SLC30A2: variants seen among roughly 807,000 people sequenced by gnomAD.
SLC30A2 encodes the protein proton-coupled zinc antiporter SLC30A2.
Under a neutral mutation model 39.6 loss-of-function variants are expected in SLC30A2, and 19 were observed. The observed-to-expected ratio is 0.48, with a 90% CI of 0.34 to 0.70. SLC30A2 has a LOEUF of 0.70. Ranked by LOEUF, SLC30A2 falls within the 30% of genes least tolerant of loss-of-function variation. SLC30A2 has a pLI of 0.01. For missense variants in SLC30A2, 387 were observed against 479.4 expected (o/e 0.81, Z 1.80); for synonymous variants, 195 against 194.8 (o/e 1.00, Z -0.01).
intron 6 of SLC30A2, among the ~76,000 whole-genome samples, chr1:26,040,620 A>C (rs962132398): frequency 3.9e-5 from 6 of 152,164 alleles, no homozygotes; most frequent in African/African-American, 1.2e-4. Context: ...CCAGGGCACG[A>C]TCATCATCTT....
At position 26,045,914 on chromosome 1, in the gene SLC30A2, C is replaced by T; in HGVS notation, c.-18G>A. 6.2e-7 allele frequency: 1 copy of T among 1,608,578 alleles called. No homozygotes were observed. Among genetic ancestry groups the T allele is most frequent in the Non-Finnish European group, 8.5e-7 (1 of 1,179,230 alleles). On this transcript the variant is annotated 5_prime_UTR_variant, in exon 1 of 8. Coordinates refer to ENST00000374276, the MANE Select transcript of SLC30A2 (RefSeq NM_001004434.3). ...GCCTCCATGCAGTCCCGCGCCGAGT[C>T]CCGGCAGCCGCGCAGCCGCCCCGCC...
At position 26,039,380 on chromosome 1, in the gene SLC30A2, T is replaced by G; in HGVS notation, c.974-75A>C. ...GGAACCATCAGGAGCCCAAATCTCA[T>G]ACCCCATCCCCAGCAGAACAGGATG... On this transcript the variant is annotated intron_variant, in intron 7 of 7. Transcript: ENST00000374276. The surrounding 1 kb of genome is among the most constrained non-coding windows in gnomAD (Gnocchi z 4.3). The G allele has an allele frequency of 1.2e-5, 13 of 1,108,772 alleles. No individual in the cohort carries two copies. Among genetic ancestry groups the G allele is most frequent in the South Asian group, 1.4e-5 (1 of 73,278 alleles). 68.7% of individuals were successfully genotyped at this position (1,108,772 alleles called of 1,614,324 possible). A position where few individuals can be genotyped will look rare whatever the true frequency, so the allele number is the denominator to read the frequency against.
At position 26,043,504 on chromosome 1, in the gene SLC30A2, C is replaced by A. The variant is rs1393993050; in HGVS notation, c.466G>T (p.Gly156Trp). Residue 156 changes from glycine to tryptophan, a missense_variant, in exon 4 of 8, where the codon GGG (glycine) becomes TGG (tryptophan). Coordinates refer to ENST00000374276, the MANE Select transcript of SLC30A2 (RefSeq NM_001004434.3). ...VSVLSIWVVT[G>W]VLVYLAVERL... is the part of the protein sequence containing the mutation. ...TCCACAGCCAGGTACACCAGTACCC[C>A]CGTCACGACCCAGATGGACAGTACA... 6.2e-7 allele frequency: 1 copy of A among 1,613,978 alleles called. No individual in the cohort carries two copies. Among genetic ancestry groups the A allele is most frequent in the Non-Finnish European group, 8.5e-7 (1 of 1,179,960 alleles).
In SLC30A2 at chr1:26,044,359, G is replaced by A; in HGVS notation, c.357C>T (p.Phe119=). Residue 119 remains phenylalanine (F), a synonymous_variant, in exon 3 of 8, where the codon TTC becomes TTT. Transcript: ENST00000374276. ...TDFASMLISL[F]SLWMSSRPAT... ...CTGGCCGGGAGGACATCCAGAGGGA[G>A]AAGAGGCTGATGAGCATGCTGGCAA... 3.1e-6 allele frequency: 5 copies of A among 1,614,088 alleles called. No individual in the cohort carries two copies. In the Middle Eastern group the frequency reaches 6.6e-4, roughly 213 times the overall value.
In SLC30A2 at chr1:26,039,369, C is replaced by T; in HGVS notation, c.974-64G>A. On this transcript the variant is annotated intron_variant, in intron 7 of 7. Coordinates refer to ENST00000374276, the MANE Select transcript of SLC30A2 (RefSeq NM_001004434.3). The surrounding 1 kb of genome is among the most constrained non-coding windows in gnomAD (Gnocchi z 4.3). ...TCTGGCCCTTTGGAACCATCAGGAG[C>T]CCAAATCTCATACCCCATCCCCAGC... 2 of 1,296,778 alleles carry T rather than the reference C, an allele frequency of 1.5e-6. No homozygotes were observed. Among genetic ancestry groups the T allele is most frequent in the Non-Finnish European group, 2.2e-6 (2 of 907,100 alleles). 80.3% of individuals were successfully genotyped at this position (1,296,778 alleles called of 1,614,324 possible).
chr1:26,045,584 G>C (rs1180413081), intron 1 of SLC30A2: 9 of 645,238 alleles, frequency 1.4e-5, no homozygotes, highest in Non-Finnish European at 1.8e-5. Context: ...AAAGTGCTGG[G>C]CGGGGCGGGA....
chr1:26,043,670 A>C (rs1464175985), intron 3 of SLC30A2, 119 bp from the exon 4 acceptor site: 3 of 1,030,428 alleles, frequency 2.9e-6, no homozygotes, highest in East Asian at 2.6e-5. Flanking sequence ...CCTGGGTCCC[A>C]CTGGGCTCTG....
Position 26,039,655 on chromosome 1 carries a change from C to T in SLC30A2, c.973+122G>A, listed in dbSNP as rs1193548942. 2 of 942,978 alleles carry T rather than the reference C, an allele frequency of 2.1e-6. No individual in the cohort carries two copies. Among genetic ancestry groups the T allele is most frequent in the South Asian group, 3.3e-5 (2 of 61,080 alleles). The allele number at this position is 942,978 out of a possible 1,614,324, so 58.4% of individuals were successfully genotyped here. A position where few individuals can be genotyped will look rare whatever the true frequency, so the allele number is the denominator to read the frequency against. ...GGAATAATGCGTATCAAGTACTCAG[C>T]ATGAGGCTGGGCTTGATGCATGGGC... On this transcript the variant is annotated intron_variant, in intron 7 of 7. Transcript: ENST00000374276. This position sits in a 1 kb window ranked among gnomAD's most constrained non-coding sequence, Gnocchi z 4.3.
Position 26,042,648 on chromosome 1 carries a change from C to CTG in SLC30A2, c.631_632dup (p.Gln211HisfsTer15). 6.2e-7 allele frequency: 1 copy of CTG among 1,614,204 alleles called. No individual in the cohort carries two copies. Among genetic ancestry groups the CTG allele is most frequent in the South Asian group, 1.1e-5 (1 of 91,086 alleles). ...CAGCTCGGACGCTGGGGTTCTCCTC[C>CTG]TGCTGGTTGGTGGTGCCGTGGCTGT... On this transcript the variant is annotated frameshift_variant, in exon 5 of 8. Transcript: ENST00000374276. LOFTEE classifies it high-confidence loss of function.
intron 2 of SLC30A2, among the ~76,000 whole-genome samples, chr1:26,044,770 G>A (rs940072106): frequency 3.3e-5 from 5 of 152,228 alleles, no homozygotes; most frequent in Admixed American, 3.3e-4. Flanking sequence ...GTGATCTTTG[G>A]CAAGTTACTT....
At chr1:26,044,550 G>C in intron 2 of SLC30A2, 106 bp from the exon 3 acceptor site, 2 of 1,084,754 alleles carry the variant, frequency 1.8e-6, no homozygotes, top group Non-Finnish European at 2.6e-6. Context: ...CTGGGCTCAA[G>C]ATCTCTCTAC....
Position 26,038,042 on chromosome 1 carries a change from G to C in SLC30A2, c.*1118C>G, listed in dbSNP as rs1445299222. 1 of 152,272 alleles carries C rather than the reference G, an allele frequency of 6.6e-6. No homozygotes were observed. The highest frequency in any genetic ancestry group is 2.4e-5 in the African/African-American group (1 of 41,458). The allele number at this position is 152,272 out of a possible 1,614,324, so 9.4% of individuals were successfully genotyped here. A position where few individuals can be genotyped will look rare whatever the true frequency, so the allele number is the denominator to read the frequency against. ...ACAGGTACTTGGCCAACTGGCTCTT[G>C]TTCTCAACCCTGTGAGGGAGGCATC... On this transcript the variant is annotated 3_prime_UTR_variant, in exon 8 of 8. Coordinates refer to ENST00000374276, the MANE Select transcript of SLC30A2 (RefSeq NM_001004434.3).
Position 26,045,876 on chromosome 1 carries a change from C to G in SLC30A2, c.21G>C (p.Gln7His), listed in dbSNP as rs144738392. The G allele has an allele frequency of 2.3e-5, 37 of 1,612,954 alleles. No individual in the cohort carries two copies. Among genetic ancestry groups the G allele is most frequent in the Non-Finnish European group, 2.7e-5 (32 of 1,179,882 alleles). Residue 7 changes from glutamine to histidine, a missense_variant, in exon 1 of 8, where the codon CAG (glutamine) becomes CAC (histidine). Physicochemically the swap from Gln to His is conservative, Grantham distance 24 (BLOSUM62 0). Coordinates refer to ENST00000374276, the MANE Select transcript of SLC30A2 (RefSeq NM_001004434.3). ...TTGCCGGCCTGGCGTCCAACAGATG[C>G]TGCTTCTCCTTGGCCTCCATGCAGT... MEAKEK[Q>H]HLLDARPAIR...
At chr1:26,043,973 C>A (rs1171035652) in intron 3 of SLC30A2, among the ~76,000 whole-genome samples, 7 of 152,188 alleles carry the variant, frequency 4.6e-5, no homozygotes, top group South Asian at 2.1e-4. Flanking sequence ...TCCCCTCCCC[C>A]CAGAGCTGAT....
At position 26,042,605 on chromosome 1, in the gene SLC30A2, C is replaced by T. The variant is rs746355195; in HGVS notation, c.676G>A (p.Gly226Ser). 2.7e-5 allele frequency: 44 copies of T among 1,614,024 alleles called. No individual in the cohort carries two copies. The highest frequency in any genetic ancestry group is 3.5e-5 in the Non-Finnish European group (41 of 1,180,016). ...SVRAAFIHVIGDFMQSMGVLV... is the reference protein window; with the variant it reads ...SVRAAFIHVISDFMQSMGVLV... Reference sequence around the variant, plus strand: ...ACACCCATGCTCTGCATAAAGTCGCCGATCACATGGATGAAGGCAGCTCGG... The same window carrying T: ...ACACCCATGCTCTGCATAAAGTCGCTGATCACATGGATGAAGGCAGCTCGG... Residue 226 changes from glycine (G) to serine (S), a missense_variant, in exon 5 of 8, where the codon GGC becomes AGC. By Grantham distance (56) the Gly-to-Ser change is moderately conservative. Transcript: ENST00000374276.
At chr1:26,041,251 G>A (rs2050394048) in intron 6 of SLC30A2, among the ~76,000 whole-genome samples, 2 of 152,204 alleles carry the variant, frequency 1.3e-5, no homozygotes, top group African/African-American at 4.8e-5. Flanking sequence ...GCGCTGCAGT[G>A]GATTCAGTAG....
At position 26,039,170 on chromosome 1, in the gene SLC30A2, G is replaced by A. The variant is rs1346124134; in HGVS notation, c.1109C>T (p.Pro370Leu). 6.2e-7 allele frequency: 1 copy of A among 1,613,872 alleles called. No homozygotes were observed. The highest frequency in any genetic ancestry group is 1.1e-5 in the South Asian group (1 of 91,072). ...DMKDCQACQG[P>L]SD ...TGCCTGGCTGAGCAGTCAGTCTGAG[G>A]GGCCCTGGCATGCCTGACAGTCCTT... Residue 370 changes from proline to leucine, a missense_variant, in exon 8 of 8, where the codon CCC becomes CTC. Physicochemically the swap from Pro to Leu is moderately conservative, Grantham distance 98. Transcript: ENST00000374276. The surrounding 1 kb of genome is among the most constrained non-coding windows in gnomAD (Gnocchi z 4.3).
In SLC30A2 at chr1:26,039,171, G is replaced by T; in HGVS notation, c.1108C>A (p.Pro370Thr). 2 of 1,613,838 alleles carry T rather than the reference G, an allele frequency of 1.2e-6. No individual in the cohort carries two copies. The highest frequency in any genetic ancestry group is 1.7e-6 in the Non-Finnish European group (2 of 1,179,736). The change falls in exon 8 of 8, where the codon CCC becomes ACC. Residue 370 changes from proline to threonine, a missense_variant. Coordinates refer to ENST00000374276, the MANE Select transcript of SLC30A2 (RefSeq NM_001004434.3). This position sits in a 1 kb window ranked among gnomAD's most constrained non-coding sequence, Gnocchi z 4.3. ...GCCTGGCTGAGCAGTCAGTCTGAGG[G>T]GCCCTGGCATGCCTGACAGTCCTTC... is the stretch of plus-strand genomic sequence containing the variant. ...DMKDCQACQG[P>T]SD is the part of the protein sequence containing the mutation.
intron 6 of SLC30A2, among the ~76,000 whole-genome samples, chr1:26,040,256 T>G (rs1177984885): frequency 6.6e-6 from 1 of 152,118 alleles, no homozygotes; most frequent in African/African-American, 2.4e-5. Context: ...ATATATTTTT[T>G]GGTTTTTTTT....
Sources: gnomAD v4.1 joint callset for allele counts (sites outside exome capture counted in the v4.1 genomes callset) on GRCh38, gnomAD v4.1.1 for gene constraint, Gnocchi (gnomAD v3.1) non-coding constraint, MANE v1.5 for transcripts, NCBI Gene and HGNC (gene_info 2026-07-23, HGNC 2026-07-21) for gene names.